The following PRKCB variants were observed in gnomAD, a reference collection of about 807,000 sequenced individuals.
PRKCB encodes protein kinase C beta.
Under a neutral mutation model 81.5 loss-of-function variants are expected in PRKCB, and 13 were observed. That is an observed-to-expected ratio of 0.16 (90% confidence interval 0.10 to 0.25). The LOEUF is 0.25. PRKCB is among the 10% of genes least tolerant of loss of function. The pLI, the probability that PRKCB is intolerant of heterozygous loss-of-function variation, is 1.00. For missense variants in PRKCB, 509 were observed against 875.7 expected (o/e 0.58, Z 5.29); for synonymous variants, 335 against 321.4 (o/e 1.04, Z -0.45).
At chr16:23,910,847 C>T (rs1366264175) in intron 2 of PRKCB, among the ~76,000 whole-genome samples, 11 of 152,108 alleles carry the variant, frequency 7.2e-5, no homozygotes, top group Non-Finnish European at 1.5e-4. Flanking sequence ...TTCCCTGCGG[C>T]CCCTGGTAAC....
At chr16:23,970,044 C>T (rs1596491807) in intron 2 of PRKCB, among the ~76,000 whole-genome samples, 1 of 152,130 alleles carries the variant, frequency 6.6e-6, no homozygotes, top group Admixed American at 6.5e-5. Context: ...AATGCCAGTA[C>T]AGAAAAATTG....
intron 5 of PRKCB, among the ~76,000 whole-genome samples, chr16:24,044,193 AAAAAAAATCC>A (rs1965738377): frequency 6.6e-6 from 1 of 151,798 alleles, no homozygotes; most frequent in Non-Finnish European, 1.5e-5. Flanking sequence ...CGTCTCTACT[AAAAAAAATCC>A]AAAAAATTAG....
intron 2 of PRKCB, among the ~76,000 whole-genome samples, chr16:23,841,735 A>AACCT (rs1203230915): frequency 7.3e-6 from 1 of 137,216 alleles, no homozygotes; most frequent in Non-Finnish European, 1.5e-5. Context: ...AGCTCACTGC[A>AACCT]ACCTCCACTT....
intron 2 of PRKCB, among the ~76,000 whole-genome samples, chr16:23,852,449 A>C (rs909348793): frequency 1.3e-5 from 2 of 152,182 alleles, no homozygotes; most frequent in Non-Finnish European, 2.9e-5. Flanking sequence ...CCATCCTTGC[A>C]TCCCAGGGAG....
chr16:24,057,091 A>C (rs980405428), intron 5 of PRKCB, among the ~76,000 whole-genome samples: 4 of 152,204 alleles, frequency 2.6e-5, no homozygotes, highest in Non-Finnish European at 5.9e-5. Flanking sequence ...GAAAACAAAA[A>C]TGTAAACAAG....
rs555129613 is a variant in PRKCB, at chr16:23,884,973, T to C, written c.205+47567T>C. On this transcript the variant is annotated intron_variant, in intron 2 of 16. Transcript: ENST00000643927. ...TCCCAGGTTCTCAAGATGGATGATC[T>C]TGGGCAAGTTATTTAATTTCTCTGG... 1.2e-4 allele frequency among the ~76,000 whole-genome samples: 3 copies of C among 24,126 alleles called. No homozygotes were observed. In the East Asian group the frequency reaches 4.9e-3, roughly 39 times the overall value. The allele number at this position is 24,126 out of a possible 152,430, so 15.8% of individuals were successfully genotyped here.
intron 5 of PRKCB, among the ~76,000 whole-genome samples, chr16:24,083,654 C>T (rs1034394062): frequency 2.0e-5 from 3 of 152,000 alleles, no homozygotes; most frequent in African/African-American, 4.8e-5. Context: ...AGAAACAGAT[C>T]GGTGGTTGCC....
chr16:24,021,322 CCTTCCTTCCTTCCTTCCTT>C, intron 3 of PRKCB, among the ~76,000 whole-genome samples: 4 of 53,692 alleles, frequency 7.4e-5, no homozygotes, highest in South Asian at 1.2e-3. Context: ...TTCCTTCCTT[CCTTCCTTCCTTCCTTCCTT>C]CCTTCCTTCC....
At chr16:24,165,453 G>A (rs1364296856) in intron 10 of PRKCB, among the ~76,000 whole-genome samples, 1 of 152,156 alleles carries the variant, frequency 6.6e-6, no homozygotes, top group Non-Finnish European at 1.5e-5. Context: ...TCCTTTTAAT[G>A]CCTGCCTAAT....
chr16:24,214,831 C>T lies in PRKCB; in HGVS notation c.*15C>T. 1 of 1,610,244 alleles carries T rather than the reference C, an allele frequency of 6.2e-7. No individual in the cohort carries two copies. Among genetic ancestry groups the T allele is most frequent in the South Asian group, 1.1e-5 (1 of 90,752 alleles). On this transcript the variant is annotated 3_prime_UTR_variant, in exon 17 of 17. Transcript: ENST00000643927. Reference sequence around the variant, plus strand: ...TCAAGAGCTAAGTAGATGTGTAGATCTCCGTCCTTCATTTCTGTCATTCAA... The same window carrying T: ...TCAAGAGCTAAGTAGATGTGTAGATTTCCGTCCTTCATTTCTGTCATTCAA...
intron 9 of PRKCB, among the ~76,000 whole-genome samples, chr16:24,128,294 G>C (rs1276300270): frequency 6.6e-6 from 1 of 152,180 alleles, no homozygotes; most frequent in Non-Finnish European, 1.5e-5. Context: ...AGAATCGCTT[G>C]AACCGAGGAG....
intron 16 of PRKCB, among the ~76,000 whole-genome samples, chr16:24,211,306 G>C (rs1181874581): frequency 2.6e-5 from 4 of 152,182 alleles, no homozygotes; most frequent in African/African-American, 9.7e-5. Flanking sequence ...AACATACGCT[G>C]TCTGTCTGTA....
chr16:23,978,109 G>C (rs80321424), intron 2 of PRKCB, among the ~76,000 whole-genome samples: 3,524 of 152,212 alleles, frequency 0.023, 139 homozygotes, highest in African/African-American at 0.079. Flanking sequence ...ATTTGAGGCC[G>C]AATGACCAGC....
rs1262980406 is a variant in PRKCB at position 24,194,939 on chromosome 16, C to G, written c.1863+3709C>G. Among the ~76,000 whole-genome samples, 4 of 152,196 alleles carry G rather than the reference C, an allele frequency of 2.6e-5. 1 individual carries two copies. Among genetic ancestry groups the G allele is most frequent in the Non-Finnish European group, 5.9e-5 (4 of 68,038 alleles). On this transcript the variant is annotated intron_variant, in intron 16 of 16. Transcript: ENST00000643927. ...GATACATTATCCAGGTACAGTGGCTCATGCCTGTAATCCCCACACTTTGGA... is the reference window on the plus strand; with the variant it reads ...GATACATTATCCAGGTACAGTGGCTGATGCCTGTAATCCCCACACTTTGGA...
At chr16:24,119,391 A>G (rs1216545415) in intron 8 of PRKCB, among the ~76,000 whole-genome samples, 1 of 152,160 alleles carries the variant, frequency 6.6e-6, no homozygotes, top group East Asian at 1.9e-4. Flanking sequence ...AGTCAAATGA[A>G]GAAATCAGGA....
At chr16:24,147,315 A>AAAAAC (rs1555499433) in intron 9 of PRKCB, among the ~76,000 whole-genome samples, 1 of 151,726 alleles carries the variant, frequency 6.6e-6, no homozygotes, top group Non-Finnish European at 1.5e-5. Context: ...TCAAAAAAAA[A>AAAAAC]AAAAAAACTT....
intron 16 of PRKCB, among the ~76,000 whole-genome samples, chr16:24,201,408 A>T (rs1377971592): frequency 6.6e-6 from 1 of 152,170 alleles, no homozygotes; most frequent in Admixed American, 6.5e-5. Flanking sequence ...TTCATTCTTC[A>T]TTCTCAGAAG....
At chr16:23,836,771 G>GGGGT (rs893788071) in intron 1 of PRKCB, among the ~76,000 whole-genome samples, 25 of 151,402 alleles carry the variant, frequency 1.7e-4, no homozygotes, top group African/African-American at 5.6e-4. Flanking sequence ...TTGTTTCCGG[G>GGGGT]GGGGGCGGCG....
intron 8 of PRKCB, among the ~76,000 whole-genome samples, chr16:24,117,184 C>T (rs940232213): frequency 2.0e-5 from 3 of 151,560 alleles, no homozygotes; most frequent in Non-Finnish European, 2.9e-5. Flanking sequence ...AATTAGCACC[C>T]GGAATGACTC....
Sources: gnomAD v4.1 joint callset for allele counts (sites outside exome capture counted in the v4.1 genomes callset) on GRCh38, gnomAD v4.1.1 for gene constraint, MANE v1.5 for transcripts, NCBI Gene and HGNC (gene_info 2026-07-23, HGNC 2026-07-21) for gene names.